RANBP2: variants seen among roughly 807,000 people sequenced by gnomAD.
The protein encoded by RANBP2 is E3 SUMO-protein ligase RanBP2.
RANBP2 carries 57 observed loss-of-function variants against 303.6 expected under a neutral mutation model. That is an observed-to-expected ratio of 0.19 (90% CI 0.15 to 0.23). RANBP2 has a LOEUF of 0.23. Ranked by LOEUF, RANBP2 falls within the 10% of genes least tolerant of loss-of-function variation. The pLI, the probability that RANBP2 is intolerant of heterozygous loss-of-function variation, is 1.00. For missense variants in RANBP2, 3,138 were observed against 3,780.8 expected (o/e 0.83, Z 4.46); for synonymous variants, 1,167 against 1,301.5 (o/e 0.90, Z 2.23).
In RANBP2 at chr2:108,736,049, T is replaced by C. The variant is rs1695556236; in HGVS notation, c.637-55T>C. The C allele has an allele frequency of 3.1e-5, 50 of 1,611,504 alleles. 1 individual carries two copies. The South Asian group carries it at 5.4e-4, about 17-fold the overall frequency. ...AAGGAATTTGTAGGCTTAAAATGAT[T>C]AATTTCTTAACATTTGATTAAGTTT... On this transcript the variant is annotated intron_variant, in intron 5 of 28. Transcript: ENST00000283195.
chr2:109,114,958 A>G, the RANBP2 span, among the ~76,000 whole-genome samples: 2 of 152,222 alleles, frequency 1.3e-5, no homozygotes, highest in African/African-American at 2.4e-5. Context: ...TGAGTTTCTT[A>G]ACCCTGAGTT....
chr2:109,350,499 C>T, the RANBP2 span, among the ~76,000 whole-genome samples: 1 of 152,204 alleles, frequency 6.6e-6, no homozygotes, highest in Non-Finnish European at 1.5e-5. Flanking sequence ...GCTCCTATGC[C>T]CACTTTGACC....
the RANBP2 span, among the ~76,000 whole-genome samples, chr2:109,250,136 C>CTTAAGGTTTTTCTCTGTCT: frequency 6.8e-6 from 1 of 146,688 alleles, no homozygotes; most frequent in Non-Finnish European, 1.5e-5. Flanking sequence ...TTTATCTGTC[C>CTTAAGGTTTTTCTCTGTCT]TTAAGGTTTT....
the RANBP2 span, among the ~76,000 whole-genome samples, chr2:108,909,031 C>T: frequency 6.6e-6 from 1 of 152,076 alleles, no homozygotes; most frequent in Non-Finnish European, 1.5e-5. Context: ...GTCTCTGAGA[C>T]CTAAGGACAA....
intron 1 of RANBP2, among the ~76,000 whole-genome samples, chr2:108,727,484 G>A (rs902061927): frequency 2.0e-5 from 3 of 151,916 alleles, no homozygotes; most frequent in African/African-American, 7.3e-5. Flanking sequence ...ACGGCAACCT[G>A]GTTTGATACT....
the RANBP2 span, among the ~76,000 whole-genome samples, chr2:109,527,324 C>T: frequency 6.6e-6 from 1 of 152,216 alleles, no homozygotes; most frequent in Admixed American, 6.5e-5. Context: ...GAAGCTGACA[C>T]AGGCAGAACA....
the RANBP2 span, among the ~76,000 whole-genome samples, chr2:109,609,895 A>G: frequency 4.6e-5 from 7 of 152,182 alleles, no homozygotes; most frequent in African/African-American, 1.7e-4. Context: ...CAGTCAGTGG[A>G]CTGTACTCAA....
chr2:109,249,662 T>C, the RANBP2 span, among the ~76,000 whole-genome samples: 1 of 150,412 alleles, frequency 6.6e-6, no homozygotes, highest in African/African-American at 2.5e-5. Flanking sequence ...TCTTTCTTTC[T>C]TTCTTGACAG....
rs757702292 is a variant in RANBP2 at position 108,764,253 on chromosome 2, A to G, written c.3714A>G (p.Gln1238=). 11 of 1,613,954 alleles carry G rather than the reference A, an allele frequency of 6.8e-6. No homozygotes were observed. The highest frequency in any genetic ancestry group is 1.7e-5 in the Admixed American group (1 of 59,988). The change falls in exon 20 of 29, where the codon CAA becomes CAG. Residue 1238 remains glutamine, a synonymous_variant. Transcript: ENST00000283195. ...GKIRLLMRRE[Q]VLKICANHYI... is the part of the protein sequence containing the mutation. ...TTCGCCTTCTAATGAGACGAGAGCA[A>G]GTATTGAAAATCTGTGCAAATCATT...
At chr2:108,811,245 CTCTTT>C in the RANBP2 span, among the ~76,000 whole-genome samples, 1 of 109,628 alleles carries the variant, frequency 9.1e-6, no homozygotes, top group African/African-American at 4.2e-5. Flanking sequence ...CTTTCTCTCT[CTCTTT>C]TTTTTTTTTT....
At chr2:108,851,755 G>A in the RANBP2 span, among the ~76,000 whole-genome samples, 1 of 152,174 alleles carries the variant, frequency 6.6e-6, no homozygotes, top group African/African-American at 2.4e-5. Context: ...AAGGAGGGCA[G>A]GAGAAGGTCA....
At chr2:109,271,477 C>T in the RANBP2 span, among the ~76,000 whole-genome samples, 7 of 152,194 alleles carry the variant, frequency 4.6e-5, no homozygotes, top group Non-Finnish European at 1.0e-4. Flanking sequence ...TTCACTTTCC[C>T]GTAAATCAAC....
the RANBP2 span, among the ~76,000 whole-genome samples, chr2:109,441,137 A>AAAG: frequency 1.3e-5 from 2 of 151,888 alleles, no homozygotes; most frequent in Admixed American, 1.3e-4. Context: ...GAATACAAAA[A>AAAG]AAAAAAAAAT....
At chr2:109,405,232 A>T in the RANBP2 span, among the ~76,000 whole-genome samples, 1 of 152,088 alleles carries the variant, frequency 6.6e-6, no homozygotes, top group African/African-American at 2.4e-5. Context: ...GGAGCAACCG[A>T]TGACACCCCT....
rs545957237 is a variant in RANBP2, at chr2:108,737,920, T to C, written c.782+1671T>C. On this transcript the variant is annotated intron_variant, in intron 6 of 28. Coordinates refer to ENST00000283195, the MANE Select transcript of RANBP2 (RefSeq NM_006267.5). ...TAGTAGAGACGGGGTTTCACCGTGT[T>C]AGCCAGGATGGTCTCGATCTCCTGA... 2.9e-3 allele frequency among the ~76,000 whole-genome samples: 442 copies of C among 151,976 alleles called. 2 individuals are homozygous for C. Among genetic ancestry groups the C allele is most frequent in the Non-Finnish European group, 4.5e-3 (308 of 67,962 alleles).
chr2:109,397,173 C>T, the RANBP2 span, among the ~76,000 whole-genome samples: 2 of 152,154 alleles, frequency 1.3e-5, no homozygotes, highest in African/African-American at 2.4e-5. Context: ...ACAACCACTC[C>T]ACCCTGCTCA....
the RANBP2 span, among the ~76,000 whole-genome samples, chr2:108,979,448 G>GTCTC: frequency 0.38 from 53,031 of 138,688 alleles, 13,195 homozygotes; most frequent in South Asian, 0.59. Flanking sequence ...CTCTCTCTCT[G>GTCTC]TCTCTGTCTC....
the RANBP2 span, among the ~76,000 whole-genome samples, chr2:109,062,224 G>C: frequency 3.7e-4 from 56 of 152,316 alleles, no homozygotes; most frequent in South Asian, 5.4e-3. Context: ...CCTCCTCTGA[G>C]AGTCTAAAGT....
At chr2:109,049,180 G>C in the RANBP2 span, among the ~76,000 whole-genome samples, 1 of 152,204 alleles carries the variant, frequency 6.6e-6, no homozygotes, top group Admixed American at 6.5e-5. Context: ...GGAAGGTCCT[G>C]GAGTTGTTGG....
Sources: allele counts gnomAD v4.1 joint callset (sites outside exome capture counted in the v4.1 genomes callset), GRCh38; gene constraint gnomAD v4.1.1; transcripts MANE v1.5; gene names NCBI Gene and HGNC (gene_info 2026-07-23, HGNC 2026-07-21).